Variants in MYLIP observed in about 807,000 individuals in gnomAD.
The protein encoded by MYLIP is myosin regulatory light chain interacting protein.
In MYLIP, 26 loss-of-function variants were observed where a neutral mutation model predicts 45.8. That is an observed-to-expected ratio of 0.57 (90% CI 0.42 to 0.79). MYLIP has a LOEUF of 0.79. MYLIP is among the 30% of genes least tolerant of loss of function. The probability of loss-of-function intolerance (pLI) is 0.00; values close to 1 mark genes in which losing one functional copy is unlikely to be tolerated. For missense variants in MYLIP, 494 were observed against 555.6 expected (o/e 0.89, Z 1.11); for synonymous variants, 213 against 218.1 (o/e 0.98, Z 0.21).
At chr6:16,156,782 G>A in the MYLIP span, among the ~76,000 whole-genome samples, 1 of 152,184 alleles carries the variant, frequency 6.6e-6, no homozygotes, top group Non-Finnish European at 1.5e-5. Flanking sequence ...ATATGACAAT[G>A]CCACCTGTTA....
At chr6:16,139,878 T>A (rs1759631060) in intron 2 of MYLIP, among the ~76,000 whole-genome samples, 1 of 152,256 alleles carries the variant, frequency 6.6e-6, no homozygotes, top group Non-Finnish European at 1.5e-5. Context: ...CTGCAGTATT[T>A]GGCAGAGTTT....
chr6:16,152,175 T>A (rs1321973213), downstream of MYLIP, among the ~76,000 whole-genome samples: 1 of 152,190 alleles, frequency 6.6e-6, no homozygotes, highest in Non-Finnish European at 1.5e-5. Context: ...TAGAGCCAGT[T>A]CATGAAGAGA....
rs181726201 is a variant in MYLIP at position 16,142,844 on chromosome 6, T to A, written c.465-176T>A. On this transcript the variant is annotated intron_variant, in intron 3 of 6. Coordinates refer to ENST00000356840, the MANE Select transcript of MYLIP (RefSeq NM_013262.4). ...AAGTATTTAATAGTTGAGATCCCAGTGTCTTAGACGTTTTTTATAGTAAGT... is the reference window on the plus strand; with the variant it reads ...AAGTATTTAATAGTTGAGATCCCAGAGTCTTAGACGTTTTTTATAGTAAGT... Among the ~76,000 whole-genome samples, 5 of 152,358 alleles carry A rather than the reference T, an allele frequency of 3.3e-5. No homozygotes were observed. In the East Asian group the frequency reaches 9.6e-4, roughly 29 times the overall value.
In MYLIP at chr6:16,141,346, A is replaced by G. The variant is rs112627470; in HGVS notation, c.279-279A>G. ...TTAAAACACTATAATGCAGAAACTTATGTGTAATTATTTTATGTTTTGTAA... is the reference window on the plus strand; with the variant it reads ...TTAAAACACTATAATGCAGAAACTTGTGTGTAATTATTTTATGTTTTGTAA... On this transcript the variant is annotated intron_variant, in intron 2 of 6. Coordinates refer to ENST00000356840, the MANE Select transcript of MYLIP (RefSeq NM_013262.4). Among the ~76,000 whole-genome samples the G allele has an allele frequency of 8.4e-4, 128 of 152,350 alleles. 2 individuals are homozygous for G. The highest frequency in any genetic ancestry group is 2.8e-3 in the African/African-American group (115 of 41,578).
chr6:16,146,615 C>G, intron 6 of MYLIP, 47 bp from the exon 7 acceptor site: 1 of 1,494,794 alleles, frequency 6.7e-7, no homozygotes, highest in Non-Finnish European at 9.2e-7. Context: ...ACAGGCCCCC[C>G]ACCGAGGCTT....
chr6:16,153,431 A>T, the MYLIP span, among the ~76,000 whole-genome samples: 4 of 152,172 alleles, frequency 2.6e-5, no homozygotes, highest in Non-Finnish European at 5.9e-5. Context: ...GATTTTCCCC[A>T]TGAATTTAAC....
chr6:16,163,831 A>C, the MYLIP span: 1 of 152,162 alleles, frequency 6.6e-6, no homozygotes, highest in Non-Finnish European at 1.5e-5. Context: ...CTTGTTAAAA[A>C]CCACTGTATT....
the MYLIP span, among the ~76,000 whole-genome samples, chr6:16,162,452 C>G: frequency 6.6e-6 from 1 of 152,046 alleles, no homozygotes; most frequent in Non-Finnish European, 1.5e-5. Context: ...TAACTAGGCT[C>G]TAATTATATA....
chr6:16,132,947 G>T (rs551504509), intron 2 of MYLIP, among the ~76,000 whole-genome samples: 2 of 152,198 alleles, frequency 1.3e-5, no homozygotes, highest in Non-Finnish European at 2.9e-5. Context: ...ATGTAGTGTA[G>T]TATACTGAAA....
chr6:16,134,604 C>T (rs1383433777), intron 2 of MYLIP, among the ~76,000 whole-genome samples: 4 of 152,138 alleles, frequency 2.6e-5, no homozygotes, highest in Non-Finnish European at 5.9e-5. Flanking sequence ...AACTGCAACC[C>T]ATTTATAGTC....
intron 2 of MYLIP, 148 bp from the exon 3 acceptor site, chr6:16,141,477 A>ATT: frequency 1.4e-6 from 1 of 704,510 alleles, no homozygotes; most frequent in Non-Finnish European, 2.2e-6. Flanking sequence ...AATACTGATG[A>ATT]TTTTTTTTTG....
chr6:16,154,239 G>GGA, the MYLIP span, among the ~76,000 whole-genome samples: 2 of 152,018 alleles, frequency 1.3e-5, no homozygotes, highest in African/African-American at 4.8e-5. Context: ...GAATAGTTGC[G>GGA]ACTACAGGAA....
At chr6:16,148,337 C>T (rs968255553), downstream of MYLIP, 5 of 151,862 alleles carry the variant, frequency 3.3e-5, no homozygotes, top group African/African-American at 1.2e-4. Context: ...ATCTACTTTC[C>T]TCCTACCGGG....
chr6:16,134,300 T>C (rs557053073), intron 2 of MYLIP, among the ~76,000 whole-genome samples: 1 of 152,368 alleles, frequency 6.6e-6, no homozygotes, highest in African/African-American at 2.4e-5. Context: ...TGATAACTAC[T>C]AATATAAGCT....
rs773558802 is a variant in MYLIP at position 16,129,291 on chromosome 6, AGGC to A, written c.-28_-26del. 3 of 1,549,496 alleles carry A rather than the reference AGGC, an allele frequency of 1.9e-6. No homozygotes were observed. The South Asian group carries it at 3.6e-5, about 18-fold the overall frequency. On this transcript the variant is annotated 5_prime_UTR_variant, in exon 1 of 7. Transcript: ENST00000356840. This position sits in a 1 kb window ranked among gnomAD's most constrained non-coding sequence, Gnocchi z 5.1. ...GGCAGCCCCGCGCACACCAAAGAGA[AGGC>A]GGCTGTGGCGGCAGCGGCAGCCCCA... is the stretch of plus-strand genomic sequence containing the variant.
chr6:16,146,653 C>T lies in MYLIP; in HGVS notation c.1249-9C>T, dbSNP rs1257220585. ...ATGCTAACAGAGACTGTTGGCTTTTCTTTCCCAGTCATGTCCCGTCTGCAG... is the reference window on the plus strand; with the variant it reads ...ATGCTAACAGAGACTGTTGGCTTTTTTTTCCCAGTCATGTCCCGTCTGCAG... On this transcript the variant is annotated splice_polypyrimidine_tract_variant and intron_variant, in intron 6 of 6. Coordinates refer to ENST00000356840, the MANE Select transcript of MYLIP (RefSeq NM_013262.4). 7 of 1,603,570 alleles carry T rather than the reference C, an allele frequency of 4.4e-6. No individual in the cohort carries two copies. The highest frequency in any genetic ancestry group is 1.3e-5 in the African/African-American group (1 of 74,778).
At chr6:16,135,290 G>C (rs1759527188) in intron 2 of MYLIP, among the ~76,000 whole-genome samples, 1 of 152,198 alleles carries the variant, frequency 6.6e-6, no homozygotes, top group African/African-American at 2.4e-5. Context: ...CTAGGATGGG[G>C]ATCTACTGTG....
chr6:16,131,263 T>G (rs1759455998), intron 2 of MYLIP, among the ~76,000 whole-genome samples: 1 of 152,234 alleles, frequency 6.6e-6, no homozygotes, highest in Admixed American at 6.5e-5. Context: ...TCATGCAGAA[T>G]TTTTAAAGTT....
chr6:16,130,350 A>G (rs1177308694), intron 1 of MYLIP, among the ~76,000 whole-genome samples: 1 of 152,122 alleles, frequency 6.6e-6, no homozygotes, highest in East Asian at 1.9e-4. Flanking sequence ...CATGCCCTAG[A>G]CGTTAAAAGG....
Sources: gnomAD v4.1 joint callset for allele counts (sites outside exome capture counted in the v4.1 genomes callset) on GRCh38, gnomAD v4.1.1 for gene constraint, Gnocchi (gnomAD v3.1) non-coding constraint, MANE v1.5 for transcripts, NCBI Gene and HGNC (gene_info 2026-07-23, HGNC 2026-07-21) for gene names.